GANC: variants seen among roughly 807,000 people sequenced by gnomAD.
GANC encodes glucosidase alpha, neutral C, also known as neutral alpha-glucosidase C.
A neutral mutation model predicts 124.2 loss-of-function variants in GANC; 117 were observed. That is an observed-to-expected ratio of 0.94 (90% CI 0.81 to 1.10). The LOEUF (loss-of-function observed/expected upper bound fraction) is 1.10. GANC is among the 50% of genes least tolerant of loss of function. The pLI, the probability that GANC is intolerant of heterozygous loss-of-function variation, is 0.00. For synonymous variants in GANC, 377 were observed against 376.8 expected, an observed-to-expected ratio of 1.00 and a Z score of -0.01; for missense variants, 1,140 against 1,095.0, an observed-to-expected ratio of 1.04 and a Z score of -0.58.
At position 42,274,275 on chromosome 15, in the gene GANC, T is replaced by C; in HGVS notation, c.-207T>C. 2 of 599,764 alleles carry C rather than the reference T, an allele frequency of 3.3e-6. No homozygotes were observed. The highest frequency in any genetic ancestry group is 1.8e-5 in the South Asian group (1 of 55,630). 37.2% of individuals were successfully genotyped at this position (599,764 alleles called of 1,614,324 possible). On this transcript the variant is annotated 5_prime_UTR_variant, in exon 1 of 24. Coordinates refer to ENST00000318010, the MANE Select transcript of GANC (RefSeq NM_198141.3). ...GACAAATTTGCCAAATAAATCATTG[T>C]AGAAACGCTAGTTTGGGCCTGAAAA...
intron 20 of GANC, among the ~76,000 whole-genome samples, chr15:42,346,721 A>G (rs1031203216): frequency 5.3e-5 from 8 of 152,198 alleles, no homozygotes; most frequent in African/African-American, 1.9e-4. Flanking sequence ...ATTAAGGCAA[A>G]AAACAGGAGT....
intron 3 of GANC, 124 bp downstream of exon 3, chr15:42,278,714 T>C (rs2051701417): frequency 1.6e-6 from 1 of 639,112 alleles, no homozygotes; most frequent in Non-Finnish European, 2.6e-6. Context: ...ATCAGCCTTT[T>C]AGTGATTAGT....
chr15:42,295,201 C>G (rs2141029456), intron 5 of GANC, among the ~76,000 whole-genome samples: 1 of 152,084 alleles, frequency 6.6e-6, no homozygotes, highest in African/African-American at 2.4e-5. Context: ...ATCTCGATCT[C>G]CTGAACTCGT....
At chr15:42,303,677 A>G (rs1174675892) in intron 6 of GANC, among the ~76,000 whole-genome samples, 1 of 151,006 alleles carries the variant, frequency 6.6e-6, no homozygotes, top group African/African-American at 2.4e-5. Context: ...CAAGAAAAAA[A>G]AAAAAAAAGA....
chr15:42,351,371 G>A lies in GANC; in HGVS notation c.2574G>A (p.Val858=), dbSNP rs1461011601. 1 of 1,614,056 alleles carries A rather than the reference G, an allele frequency of 6.2e-7. No individual in the cohort carries two copies. The highest frequency in any genetic ancestry group is 1.3e-5 in the African/African-American group (1 of 75,034). ...GTCATTATCCCAGCAAGTGTGTGGT[G>A]GAGAAGATCTTGGTCTTAGGCTTCA... ...QRGHYPSKCV[V]EKILVLGFRK... is the part of the protein sequence containing the mutation. The change falls in exon 23 of 24, where the codon GTG becomes GTA. Residue 858 remains valine, a synonymous_variant. Transcript: ENST00000318010.
intron 5 of GANC, among the ~76,000 whole-genome samples, chr15:42,295,312 A>T (rs2141029564): frequency 6.6e-6 from 1 of 152,018 alleles, no homozygotes; most frequent in Admixed American, 6.6e-5. Flanking sequence ...CCTTCCATAG[A>T]GGTTGTACTG....
At chr15:42,319,250 G>A (rs1230860047) in intron 10 of GANC, among the ~76,000 whole-genome samples, 4 of 151,884 alleles carry the variant, frequency 2.6e-5, no homozygotes, top group Non-Finnish European at 5.9e-5. Context: ...TTTTCAAGTA[G>A]CAAATTTGCT....
At chr15:42,336,787 GA>G (rs150123522) in intron 15 of GANC, among the ~76,000 whole-genome samples, 2 of 151,964 alleles carry the variant, frequency 1.3e-5, no homozygotes, top group African/African-American at 4.8e-5. Context: ...AAATTTAAGA[GA>G]AAAAACAAAC....
intron 5 of GANC, 151 bp downstream of exon 5, chr15:42,293,068 G>C: frequency 8.9e-6 from 6 of 676,780 alleles, no homozygotes; most frequent in Non-Finnish European, 1.2e-5. Context: ...TTTCACCTGT[G>C]AAGGTGAATA....
intron 10 of GANC, among the ~76,000 whole-genome samples, chr15:42,318,699 A>T (rs964257499): frequency 6.6e-6 from 1 of 152,040 alleles, no homozygotes; most frequent in African/African-American, 2.4e-5. Flanking sequence ...CGATCATCAC[A>T]CCTCAGAATC....
chr15:42,284,618 TTGGA>T (rs2051768519), intron 3 of GANC, among the ~76,000 whole-genome samples: 1 of 152,198 alleles, frequency 6.6e-6, no homozygotes, highest in Non-Finnish European at 1.5e-5. Flanking sequence ...CTCTGTGTAA[TTGGA>T]TATTAACACA....
At chr15:42,296,850 CTTTTTT>C (rs774454911) in intron 5 of GANC, among the ~76,000 whole-genome samples, 7 of 134,466 alleles carry the variant, frequency 5.2e-5, no homozygotes, top group African/African-American at 1.6e-4. Context: ...TTTCTTTTTC[CTTTTTT>C]TTTTTTTTTG....
intron 15 of GANC, among the ~76,000 whole-genome samples, chr15:42,331,407 G>A (rs1447931128): frequency 6.6e-6 from 1 of 152,170 alleles, no homozygotes; most frequent in Non-Finnish European, 1.5e-5. Flanking sequence ...GTTGCGTGTG[G>A]TCAGGGTCAT....
In GANC at chr15:42,274,384, G is replaced by A; in HGVS notation, c.-98G>A. 4.8e-6 allele frequency: 6 copies of A among 1,261,652 alleles called. No individual in the cohort carries two copies. In the South Asian group the frequency reaches 7.8e-5, roughly 16 times the overall value. 78.2% of individuals were successfully genotyped at this position (1,261,652 alleles called of 1,614,324 possible). A position where few individuals can be genotyped will look rare whatever the true frequency, so the allele number is the denominator to read the frequency against. ...CCCAGAAACTTGACGATGAAGTACT[G>A]GTTGTAATTTTAGAAAGACACCCAA... is the stretch of plus-strand genomic sequence containing the variant. On this transcript the variant is annotated 5_prime_UTR_variant, in exon 1 of 24. The change creates a premature stop within an existing upstream ORF in the 5' untranslated region. Transcript: ENST00000318010.
In GANC at chr15:42,292,792, C is replaced by T. The variant is rs1158784437; in HGVS notation, c.387C>T (p.Asp129=). Residue 129 remains aspartate (D), a synonymous_variant, in exon 5 of 24, where the codon GAC becomes GAT. Coordinates refer to ENST00000318010, the MANE Select transcript of GANC (RefSeq NM_198141.3). ...TGATATTGGCAGATGGAAAAGGAGA[C>T]CTGAAGTGCCATATCACAGCAAACC... The part of the protein sequence containing the change: ...GSLILADGKG[D]LKCHITANPF... 2 of 1,613,928 alleles carry T rather than the reference C, an allele frequency of 1.2e-6. No homozygotes were observed. The highest frequency in any genetic ancestry group is 2.7e-5 in the African/African-American group (2 of 74,914).
At chr15:42,278,636 T>A in intron 3 of GANC, 46 bp downstream of exon 3, 1 of 1,359,162 alleles carries the variant, frequency 7.4e-7, no homozygotes, top group Non-Finnish European at 1.0e-6. Flanking sequence ...TTTCTGTATT[T>A]ATTGGGCCTG....
intron 20 of GANC, among the ~76,000 whole-genome samples, chr15:42,347,840 A>G (rs1377054570): frequency 6.6e-6 from 1 of 152,222 alleles, no homozygotes. Context: ...AGGAAAAAAC[A>G]GCAAAGACAG....
intron 4 of GANC, among the ~76,000 whole-genome samples, chr15:42,291,378 C>T (rs1029448779): frequency 2.6e-5 from 4 of 152,144 alleles, no homozygotes; most frequent in Non-Finnish European, 2.9e-5. Flanking sequence ...CTGAATGAAG[C>T]TGAGATATCA....
At position 42,273,327 on chromosome 15, in the gene GANC, C is replaced by G; in HGVS notation, c.-1155C>G. 6.2e-7 allele frequency: 1 copy of G among 1,614,162 alleles called. No individual in the cohort carries two copies. The highest frequency in any genetic ancestry group is 8.5e-7 in the Non-Finnish European group (1 of 1,180,042). ...TTGCCGGTCCCGCACTGAAAAACGA[C>G]AGTGGTGACGGGTGAGCTCCCAGAA... On this transcript the variant is annotated 5_prime_UTR_variant, in exon 1 of 24. Transcript: ENST00000318010.
Sources: gnomAD v4.1 joint callset for allele counts (sites outside exome capture counted in the v4.1 genomes callset) on GRCh38, gnomAD v4.1.1 for gene constraint, MANE v1.5 for transcripts, NCBI Gene and HGNC (gene_info 2026-07-23, HGNC 2026-07-21) for gene names.